Variants in ADAMTSL1 observed in about 807,000 individuals in gnomAD.
The protein encoded by ADAMTSL1 is ADAMTS-like protein 1.
A neutral mutation model predicts 201.8 loss-of-function variants in ADAMTSL1; 126 were observed. The ratio of observed to expected loss-of-function variants is 0.62; its 90% CI spans 0.54 to 0.72. ADAMTSL1 has a LOEUF of 0.72. ADAMTSL1 is among the 30% of genes least tolerant of loss of function. ADAMTSL1 has a pLI of 0.00. For synonymous variants in ADAMTSL1, 1,121 were observed against 903.4 expected (o/e 1.24, Z -4.32); for missense variants, 2,679 against 2,277.8 (o/e 1.18, Z -3.59).
intron 1 of ADAMTSL1, among the ~76,000 whole-genome samples, chr9:18,131,368 C>T (rs79640515): frequency 0.015 from 2,283 of 152,194 alleles, 35 homozygotes; most frequent in Middle Eastern, 0.02. Flanking sequence ...CTGGCATCTC[C>T]AAGAACATGA....
intron 3 of ADAMTSL1, among the ~76,000 whole-genome samples, chr9:18,561,990 G>T (rs1348123620): frequency 6.6e-6 from 1 of 152,114 alleles, no homozygotes; most frequent in Non-Finnish European, 1.5e-5. Context: ...GCCAGTCTGT[G>T]TCTTTTAATT....
At chr9:18,290,530 A>G (rs1406536950) in intron 2 of ADAMTSL1, among the ~76,000 whole-genome samples, 1 of 152,142 alleles carries the variant, frequency 6.6e-6, no homozygotes, top group Non-Finnish European at 1.5e-5. Context: ...GGTAGGGAAG[A>G]GGCCAGTTTT....
intron 15 of ADAMTSL1, among the ~76,000 whole-genome samples, chr9:18,737,773 G>C (rs1479769524): frequency 1.3e-5 from 2 of 152,220 alleles, no homozygotes; most frequent in Non-Finnish European, 2.9e-5. Flanking sequence ...TGTCCAAATA[G>C]ACACTGGCTG....
rs138626559 is a variant in ADAMTSL1 at position 18,383,726 on chromosome 9, C to A, written c.208-121103C>A. Among the ~76,000 whole-genome samples, 632 of 152,276 alleles carry A rather than the reference C, an allele frequency of 4.2e-3. 10 individuals are homozygous for A. Among genetic ancestry groups the A allele is most frequent in the African/African-American group, 0.014 (592 of 41,566 alleles). ...TGAAAGACACTGTCCTACCTTGAGG[C>A]TACAAATGAAAAGTAGTTTTTCTTC... On this transcript the variant is annotated intron_variant, in intron 2 of 29. Transcript: ENST00000680146.
chr9:18,016,954 A>C (rs373523995), intron 1 of ADAMTSL1, among the ~76,000 whole-genome samples: 1 of 152,040 alleles, frequency 6.6e-6, no homozygotes. Flanking sequence ...ATACACTTTC[A>C]TACTAGTTGG....
intron 1 of ADAMTSL1, among the ~76,000 whole-genome samples, chr9:18,103,023 T>C (rs776113718): frequency 6.6e-6 from 1 of 152,172 alleles, no homozygotes; most frequent in Non-Finnish European, 1.5e-5. Context: ...CTCCCATCCC[T>C]ATACGTGGGT....
At chr9:18,814,428 C>T (rs748410873) in intron 20 of ADAMTSL1, among the ~76,000 whole-genome samples, 2 of 152,138 alleles carry the variant, frequency 1.3e-5, no homozygotes, top group Non-Finnish European at 2.9e-5. Context: ...AATAAAAAGA[C>T]AATCTACAGA....
chr9:17,930,544 C>T (rs895358283), intron 1 of ADAMTSL1, among the ~76,000 whole-genome samples: 4 of 152,112 alleles, frequency 2.6e-5, no homozygotes, highest in Non-Finnish European at 4.4e-5. Context: ...ACAAACTGGT[C>T]TCTGGCACAT....
chr9:18,744,325 G>A (rs2133565587), intron 15 of ADAMTSL1, among the ~76,000 whole-genome samples: 1 of 152,360 alleles, frequency 6.6e-6, no homozygotes, highest in South Asian at 2.1e-4. Context: ...AAGATGGTAA[G>A]CATGGTTTCC....
chr9:18,807,993 A>G (rs2131129583), intron 20 of ADAMTSL1, among the ~76,000 whole-genome samples: 1 of 152,324 alleles, frequency 6.6e-6, no homozygotes, highest in South Asian at 2.1e-4. Context: ...TTAGTAGGTG[A>G]TCAACCAGGT....
At chr9:17,941,914 G>A (rs765177102) in intron 1 of ADAMTSL1, among the ~76,000 whole-genome samples, 1 of 152,126 alleles carries the variant, frequency 6.6e-6, no homozygotes, top group Non-Finnish European at 1.5e-5. Flanking sequence ...TAGAATGGGT[G>A]AGGGAACTCC....
At chr9:17,998,047 A>G (rs921528290) in intron 1 of ADAMTSL1, among the ~76,000 whole-genome samples, 1 of 152,084 alleles carries the variant, frequency 6.6e-6, no homozygotes, top group Non-Finnish European at 1.5e-5. Flanking sequence ...ATACCCACTG[A>G]ATATTCTCCA....
In ADAMTSL1 at chr9:18,653,131, AC is replaced by A. The variant is rs1377297702; in HGVS notation, c.835-4507del. Among the ~76,000 whole-genome samples, 5 of 152,200 alleles carry A rather than the reference AC, an allele frequency of 3.3e-5. No homozygotes were observed. The East Asian group carries it at 9.6e-4, about 29-fold the overall frequency. On this transcript the variant is annotated intron_variant, in intron 7 of 28. Coordinates refer to ENST00000380548, the MANE Select transcript of ADAMTSL1 (RefSeq NM_001040272.6). ...TACTGCATTTCTTGTTAGATTTCACACATTATTTTGCCCATCACACAGCTAG... is the reference window on the plus strand; with the variant it reads ...TACTGCATTTCTTGTTAGATTTCACAATTATTTTGCCCATCACACAGCTAG...
chr9:18,897,160 G>A (rs2131586068), intron 26 of ADAMTSL1, among the ~76,000 whole-genome samples: 1 of 152,320 alleles, frequency 6.6e-6, no homozygotes, highest in Middle Eastern at 3.4e-3. Context: ...TGATCCATCT[G>A]GCCTCCCTGC....
At chr9:17,961,917 C>T (rs1454773137) in intron 1 of ADAMTSL1, among the ~76,000 whole-genome samples, 1 of 152,174 alleles carries the variant, frequency 6.6e-6, no homozygotes, top group Non-Finnish European at 1.5e-5. Context: ...TAAGCTTAGA[C>T]TAAAGTAGAA....
At chr9:18,840,632 G>A (rs979492911) in intron 23 of ADAMTSL1, among the ~76,000 whole-genome samples, 65 of 152,284 alleles carry the variant, frequency 4.3e-4, no homozygotes, top group Admixed American at 2.5e-3. Flanking sequence ...TTGGCAGTAT[G>A]GACATTTTCA....
intron 23 of ADAMTSL1, among the ~76,000 whole-genome samples, chr9:18,852,444 G>A (rs1041259129): frequency 6.6e-6 from 1 of 152,114 alleles, no homozygotes; most frequent in Non-Finnish European, 1.5e-5. Flanking sequence ...AATCAGGAAA[G>A]TTAAGAATGC....
chr9:18,010,738 A>G (rs73643491), intron 1 of ADAMTSL1, among the ~76,000 whole-genome samples: 5,774 of 152,046 alleles, frequency 0.038, 242 homozygotes, highest in African/African-American at 0.11. Flanking sequence ...CATTTGGTCG[A>G]TGTAATTCTA....
intron 7 of ADAMTSL1, among the ~76,000 whole-genome samples, chr9:18,644,717 T>A (rs1344876463): frequency 6.6e-6 from 1 of 152,066 alleles, no homozygotes; most frequent in Non-Finnish European, 1.5e-5. Context: ...GGACATGAAC[T>A]CATCATTTTT....
Sources: gnomAD v4.1 joint callset for allele counts (sites outside exome capture counted in the v4.1 genomes callset) on GRCh38, gnomAD v4.1.1 for gene constraint, MANE v1.5 for transcripts, NCBI Gene and HGNC (gene_info 2026-07-23, HGNC 2026-07-21) for gene names.